Variants in ACAD11 observed in about 807,000 individuals in gnomAD.
ACAD11 encodes the protein acyl-CoA dehydrogenase family member 11, also known as acyl-Coenzyme A dehydrogenase family, member 11.
ACAD11 carries 83 observed loss-of-function variants against 102.2 expected under a neutral mutation model. The ratio of observed to expected loss-of-function variants is 0.81; its 90% confidence interval spans 0.68 to 0.97. The LOEUF is 0.97. Ranked by LOEUF, ACAD11 falls within the 50% of genes least tolerant of loss-of-function variation. The pLI is 0.00. For missense variants in ACAD11, 901 were observed against 951.7 expected (o/e 0.95, Z 0.70); for synonymous variants, 324 against 319.8 (o/e 1.01, Z -0.14).
At chr3:132,656,035 G>T (rs987097842) in intron 1 of ACAD11, among the ~76,000 whole-genome samples, 1 of 152,120 alleles carries the variant, frequency 6.6e-6, no homozygotes, top group Admixed American at 6.5e-5. Context: ...AACCCTGTAT[G>T]TCCTTCCCCT....
chr3:132,644,776 C>T (rs1319070592), intron 2 of ACAD11, 21 bp downstream of exon 2: 1 of 1,469,650 alleles, frequency 6.8e-7, no homozygotes, highest in Non-Finnish European at 9.2e-7. Context: ...AAGAATTTAT[C>T]ATTACATTTG....
intron 13 of ACAD11, 119 bp from the exon 14 acceptor site, chr3:132,579,677 C>T: frequency 1.4e-6 from 1 of 709,744 alleles, no homozygotes. Context: ...AGAGAACATT[C>T]CTGATTCATT....
intron 8 of ACAD11, 108 bp from the exon 9 acceptor site, chr3:132,626,925 C>G (rs1576602185): frequency 5.8e-6 from 6 of 1,039,842 alleles, no homozygotes; most frequent in Non-Finnish European, 8.1e-6. Flanking sequence ...AAAACATCCC[C>G]CAGAAGGAGT....
intron 11 of ACAD11, among the ~76,000 whole-genome samples, chr3:132,607,363 C>T (rs1031113267): frequency 2.0e-5 from 3 of 152,040 alleles, no homozygotes; most frequent in Middle Eastern, 3.2e-3. Context: ...ATGCAAGGAA[C>T]CTAAGAACCT....
At chr3:132,607,946 AAG>A (rs1209306944) in intron 11 of ACAD11, among the ~76,000 whole-genome samples, 2 of 152,182 alleles carry the variant, frequency 1.3e-5, no homozygotes, top group African/African-American at 4.8e-5. Flanking sequence ...TACAAACCAG[AAG>A]AGAGTGGGGG....
At chr3:132,642,266 G>T in intron 3 of ACAD11, 133 bp from the exon 4 acceptor site, 1 of 832,494 alleles carries the variant, frequency 1.2e-6, no homozygotes, top group Non-Finnish European at 1.8e-6. Flanking sequence ...AAAAGGATAT[G>T]CCAAGATGAA....
intron 13 of ACAD11, among the ~76,000 whole-genome samples, chr3:132,585,668 A>C (rs1367525848): frequency 4.6e-5 from 7 of 152,284 alleles, no homozygotes; most frequent in South Asian, 4.1e-4. Flanking sequence ...ACCCCATCAA[A>C]AAGTGGGCAA....
chr3:132,579,192 A>G, intron 14 of ACAD11: 1 of 786,896 alleles, frequency 1.3e-6, no homozygotes. Context: ...ACATCTAATC[A>G]CTTCATTACA....
At chr3:132,591,392 C>T (rs1938069657) in intron 13 of ACAD11, among the ~76,000 whole-genome samples, 1 of 152,098 alleles carries the variant, frequency 6.6e-6, no homozygotes, top group Non-Finnish European at 1.5e-5. Context: ...TTTTCTTTCT[C>T]TACTTTCCAT....
chr3:132,624,390 A>G (rs1437862807), intron 9 of ACAD11, among the ~76,000 whole-genome samples: 5 of 151,434 alleles, frequency 3.3e-5, no homozygotes, highest in Non-Finnish European at 7.4e-5. Flanking sequence ...GCGGATCACG[A>G]GGTCAGGAGT....
At chr3:132,586,902 G>A (rs1286318408) in intron 13 of ACAD11, among the ~76,000 whole-genome samples, 2 of 152,160 alleles carry the variant, frequency 1.3e-5, no homozygotes, top group Non-Finnish European at 2.9e-5. Flanking sequence ...AGACCAGCCT[G>A]GCCAACATGG....
chr3:132,659,582 G>A (rs770390285), intron 1 of ACAD11, 21 bp downstream of exon 1: 1 of 1,607,298 alleles, frequency 6.2e-7, no homozygotes, highest in Non-Finnish European at 8.5e-7. Context: ...TTCCGCTGGA[G>A]GCAAAGGCTG....
At chr3:132,579,660 CAAAT>C (rs1937570986) in intron 13 of ACAD11, 102 bp from the exon 14 acceptor site, 3 of 840,846 alleles carry the variant, frequency 3.6e-6, no homozygotes, top group East Asian at 5.0e-5. Context: ...TGTCAGAAAA[CAAAT>C]AGAGAGAACA....
rs1379912541 is a variant in ACAD11, at chr3:132,618,730, C to A, written c.1318G>T (p.Ala440Ser). 2.5e-6 allele frequency: 4 copies of A among 1,598,830 alleles called. No individual in the cohort carries two copies. The African/African-American group carries it at 5.4e-5, about 22-fold the overall frequency. ...TCCACGTGGCTGAGTCCGCTGACAG[C>A]TGGCAAAAACAAGTTCCAGAGACCC... ...VEGLWNLFLP[A>S]VSGLSHVDYA... The change falls in exon 11 of 20, where the codon GCT (alanine) becomes TCT (serine). Residue 440 changes from alanine (A) to serine (S), a missense_variant. Physicochemically the swap from Ala to Ser is moderately conservative, Grantham distance 99. Transcript: ENST00000264990.
intron 5 of ACAD11, among the ~76,000 whole-genome samples, chr3:132,632,162 C>A (rs921514407): frequency 6.6e-6 from 1 of 151,610 alleles, no homozygotes; most frequent in Non-Finnish European, 1.5e-5. Flanking sequence ...CTGCTCACTG[C>A]AAGCTCCGCC....
At chr3:132,641,560 TGAAGAA>T (rs370839030) in intron 4 of ACAD11, among the ~76,000 whole-genome samples, 2,121 of 99,414 alleles carry the variant, frequency 0.021, 73 homozygotes, top group South Asian at 0.044. Context: ...ATGATGATGA[TGAAGAA>T]GAAGAAGAAG....
At chr3:132,637,249 C>G (rs940062939) in intron 5 of ACAD11, among the ~76,000 whole-genome samples, 1 of 151,964 alleles carries the variant, frequency 6.6e-6, no homozygotes, top group East Asian at 1.9e-4. Flanking sequence ...AATAAGTAAC[C>G]TAAGGTCAGG....
In ACAD11 at chr3:132,559,921, C is replaced by A. The variant is rs772769438; in HGVS notation, c.2140G>T (p.Ala714Ser). The A allele has an allele frequency of 3.1e-6, 5 of 1,613,140 alleles. No individual in the cohort carries two copies. The highest frequency in any genetic ancestry group is 4.2e-6 in the Non-Finnish European group (5 of 1,179,408). The part of the protein sequence containing the change: ...KKEIAMIKVA[A>S]PRAVSKIVDW... ...ACGATTTTGCTGACAGCCCGTGGGG[C>A]AGCCACTTTGATCATTGCAATCTAT... is the stretch of plus-strand genomic sequence containing the variant. Residue 714 changes from alanine to serine, a missense_variant, in exon 19 of 20, where the codon GCC becomes TCC. Coordinates refer to ENST00000264990, the MANE Select transcript of ACAD11 (RefSeq NM_032169.5).
chr3:132,562,489 G>A (rs563410791), intron 17 of ACAD11, among the ~76,000 whole-genome samples: 1 of 152,250 alleles, frequency 6.6e-6, no homozygotes, highest in African/African-American at 2.4e-5. Context: ...AGAATTGTTG[G>A]GTCAGTGGTA....
Sources: allele counts gnomAD v4.1 joint callset (sites outside exome capture counted in the v4.1 genomes callset), GRCh38; gene constraint gnomAD v4.1.1; transcripts MANE v1.5; gene names NCBI Gene and HGNC (gene_info 2026-07-23, HGNC 2026-07-21).